FAM151A: variants seen among roughly 807,000 people sequenced by gnomAD.
The protein encoded by FAM151A is protein FAM151A.
In FAM151A, 41 loss-of-function variants were observed where a neutral mutation model predicts 40.4. The ratio of observed to expected loss-of-function variants is 1.01; its 90% CI spans 0.79 to 1.32. FAM151A has a LOEUF of 1.32. FAM151A is among the 40% of genes most tolerant of loss of function. FAM151A has a pLI of 0.00. For missense variants in FAM151A, 740 were observed against 740.4 expected, an observed-to-expected ratio of 1.00 and a Z score of 0.01; for synonymous variants, 337 against 312.5, an observed-to-expected ratio of 1.08 and a Z score of -0.83.
intron 7 of FAM151A, 69 bp downstream of exon 7, chr1:54,610,343 T>C (rs937699631): frequency 6.3e-7 from 1 of 1,576,362 alleles, no homozygotes; most frequent in Non-Finnish European, 8.6e-7. Context: ...AGACCGGCGG[T>C]ACCTGCCCCA....
In FAM151A at chr1:54,612,554, G is replaced by A. The variant is rs1213334578; in HGVS notation, c.732C>T (p.Phe244=). 11 of 1,614,084 alleles carry A rather than the reference G, an allele frequency of 6.8e-6. No homozygotes were observed. The highest frequency in any genetic ancestry group is 2.2e-5 in the South Asian group (2 of 91,080). Residue 244 remains phenylalanine (F), a synonymous_variant, in exon 5 of 8, where the codon TTC becomes TTT. Transcript: ENST00000302250. The stretch of plus-strand genomic sequence containing the variant: ...CCCGCACCATGGAAGACCGTACAGG[G>A]AAGGTGACCCTCTGGGGCACTCCTC... ...LVGGVPQRVT[F]PVRSSMVRAA...
At chr1:54,612,154 C>A (rs1644125634) in intron 5 of FAM151A, among the ~76,000 whole-genome samples, 1 of 151,634 alleles carries the variant, frequency 6.6e-6, no homozygotes, top group African/African-American at 2.4e-5. Flanking sequence ...ATAGGGCTAT[C>A]CTAGGGCAGG....
intron 1 of FAM151A, among the ~76,000 whole-genome samples, chr1:54,622,768 C>T (rs1019865182): frequency 6.8e-6 from 1 of 147,622 alleles, no homozygotes; most frequent in Non-Finnish European, 1.5e-5. Flanking sequence ...GGACTTTCTG[C>T]TGGGGAAGTC....
chr1:54,621,562 G>A (rs1333652643), intron 1 of FAM151A: 1 of 152,290 alleles, frequency 6.6e-6, no homozygotes, highest in Non-Finnish European at 1.5e-5. Flanking sequence ...GAGTTGCTGT[G>A]TGCTGAGGGC....
chr1:54,611,547 C>G, intron 6 of FAM151A, 59 bp downstream of exon 6: 3 of 1,579,972 alleles, frequency 1.9e-6, no homozygotes, highest in Non-Finnish European at 2.6e-6. Context: ...CCAGTGCCCA[C>G]CAGGTGCTGC....
rs755504666 is a variant in FAM151A at position 54,609,388 on chromosome 1, GC to G, written c.1637del (p.Gly546AlafsTer6). On this transcript the variant is annotated frameshift_variant, in exon 8 of 8. Coordinates refer to ENST00000302250, the MANE Select transcript of FAM151A (RefSeq NM_176782.3). LOFTEE classifies it low-confidence loss of function (END_TRUNC). The stretch of plus-strand genomic sequence containing the variant: ...ATGCTGTCCTCACAGAGGCATAGTC[GC>G]CCCCAGCTGGGTTGTGCTCCACTGT... Reference protein sequence around the residue: ...TVTVEHNPAGGDYASVRTALL... With the variant: ...TVTVEHNPAGXDYASVRTALL... The G allele has an allele frequency of 5.0e-6, 8 of 1,613,924 alleles. No individual in the cohort carries two copies. The South Asian group carries it at 7.7e-5, about 16-fold the overall frequency.
At chr1:54,611,459 C>T in intron 6 of FAM151A, 147 bp downstream of exon 6, 3 of 707,078 alleles carry the variant, frequency 4.2e-6, no homozygotes, top group Non-Finnish European at 4.8e-6. Flanking sequence ...CATCCCAGGG[C>T]CTGGCACACA....
At chr1:54,620,497 G>A (rs1644219218) in intron 1 of FAM151A, among the ~76,000 whole-genome samples, 1 of 152,094 alleles carries the variant, frequency 6.6e-6, no homozygotes, top group Non-Finnish European at 1.5e-5. Flanking sequence ...CCTGAGATTA[G>A]GAGTTCGAGA....
rs376410310 is a variant in FAM151A at position 54,623,287 on chromosome 1, G to T, written c.109C>A (p.Arg37=). ...GGGGGGAGGCACCTACCTGGCCGCC[G>T]CAGGGTGATGGCAAGGACTATTGCG... ...IAAIVLAITL[R]RPGCELEACS... Residue 37 remains arginine (R), a synonymous_variant, in exon 1 of 8, where the codon CGG becomes AGG. Transcript: ENST00000302250. 9 of 1,613,338 alleles carry T rather than the reference G, an allele frequency of 5.6e-6. No individual in the cohort carries two copies. Among genetic ancestry groups the T allele is most frequent in the Non-Finnish European group, 7.6e-6 (9 of 1,179,466 alleles).
intron 6 of FAM151A, 124 bp downstream of exon 6, chr1:54,611,482 C>T (rs1644117460): frequency 1.1e-6 from 1 of 920,610 alleles, no homozygotes; most frequent in Non-Finnish European, 1.7e-6. Flanking sequence ...ATGCAGCCGC[C>T]TCCTGTCCCA....
At position 54,614,694 on chromosome 1, in the gene FAM151A, A is replaced by G; in HGVS notation, c.575+6T>C. 2 of 1,608,216 alleles carry G rather than the reference A, an allele frequency of 1.2e-6. No individual in the cohort carries two copies. Among genetic ancestry groups the G allele is most frequent in the South Asian group, 1.1e-5 (1 of 90,570 alleles). The stretch of plus-strand genomic sequence containing the variant: ...ACACAGCTGGGACAGAGAGGCGAAC[A>G]CTCACTGTGTGGCATTGACCTCAGT... On this transcript the variant is annotated splice_donor_region_variant and intron_variant, in intron 4 of 7. Transcript: ENST00000302250.
chr1:54,612,774 T>C (rs947826783), intron 4 of FAM151A, 64 bp from the exon 5 acceptor site: 1 of 1,272,566 alleles, frequency 7.9e-7, no homozygotes, highest in Non-Finnish European at 1.1e-6. Context: ...TCCTCTGGGG[T>C]CTCATCACAG....
At chr1:54,621,762 A>G (rs1271859283) in intron 1 of FAM151A, 2 of 152,568 alleles carry the variant, frequency 1.3e-5, no homozygotes, top group Non-Finnish European at 2.9e-5. Flanking sequence ...GAACACAGGC[A>G]TGAGGTGGGG....
chr1:54,622,094 T>C (rs1482930642), intron 1 of FAM151A, among the ~76,000 whole-genome samples: 1 of 149,088 alleles, frequency 6.7e-6, no homozygotes, highest in African/African-American at 2.5e-5. Context: ...GCCAACATGG[T>C]GAAACCCCGT....
At chr1:54,614,956 A>G (rs1702015) in intron 3 of FAM151A, 97 bp from the exon 4 acceptor site, 1,034,539 of 1,238,288 alleles carry the variant, frequency 0.84, 428,955 homozygotes, top group Non-Finnish European at 0.87. Context: ...GTGTGTGTGC[A>G]TGTGCGTGCA....
At chr1:54,619,626 G>A (rs919338793) in intron 2 of FAM151A, among the ~76,000 whole-genome samples, 7 of 152,170 alleles carry the variant, frequency 4.6e-5, no homozygotes, top group African/African-American at 1.7e-4. Flanking sequence ...CTGGGAGGGA[G>A]GACAGTATAG....
At chr1:54,620,377 G>T (rs890204713) in intron 1 of FAM151A, among the ~76,000 whole-genome samples, 2 of 152,236 alleles carry the variant, frequency 1.3e-5, no homozygotes, top group Non-Finnish European at 2.9e-5. Context: ...CCATTGGCCT[G>T]GTAGAGATGG....
intron 7 of FAM151A, 105 bp from the exon 8 acceptor site, chr1:54,610,046 C>G (rs1043453980): frequency 1.4e-6 from 2 of 1,449,376 alleles, no homozygotes; most frequent in East Asian, 2.4e-5. Context: ...CATCAAGGAC[C>G]TTGCCTCTCT....
At chr1:54,619,150 G>A (rs749510892) in intron 2 of FAM151A, among the ~76,000 whole-genome samples, 2 of 152,140 alleles carry the variant, frequency 1.3e-5, no homozygotes, top group Admixed American at 1.3e-4. Context: ...TTGAGGGTGG[G>A]GCCAGCAGCC....
Sources: allele counts gnomAD v4.1 joint callset (sites outside exome capture counted in the v4.1 genomes callset), GRCh38; gene constraint gnomAD v4.1.1; transcripts MANE v1.5; gene names NCBI Gene and HGNC (gene_info 2026-07-23, HGNC 2026-07-21).